Variants in FGFR2 observed in about 807,000 individuals in gnomAD.
FGFR2 encodes the protein fibroblast growth factor receptor 2, also known as BEK fibroblast growth factor receptor.
Under a neutral mutation model 95.9 loss-of-function variants are expected in FGFR2, and 19 were observed. That is an observed-to-expected ratio of 0.20 (90% confidence interval 0.14 to 0.29). The LOEUF is 0.29. Ranked by LOEUF, FGFR2 falls within the 10% of genes least tolerant of loss-of-function variation. FGFR2 has a pLI of 1.00. For synonymous variants in FGFR2, 392 were observed against 393.3 expected (o/e 1.00, Z 0.04); for missense variants, 707 against 1,056.9 (o/e 0.67, Z 4.59).
chr10:121,521,875 A>G (rs908494225), intron 6 of FGFR2, among the ~76,000 whole-genome samples: 1 of 152,234 alleles, frequency 6.6e-6, no homozygotes, highest in Non-Finnish European at 1.5e-5. Flanking sequence ...ACCATTAACA[A>G]TAGCCAAGAA....
chr10:121,538,083 C>A, intron 6 of FGFR2: 1 of 510,118 alleles, frequency 2.0e-6, no homozygotes, highest in Non-Finnish European at 3.5e-6. Context: ...GGAACAGACA[C>A]TGAATTGGTA....
rs377132080 is a variant in FGFR2 at position 121,515,213 on chromosome 10, C to G, written c.1191G>C (p.Leu397=). 5 of 1,614,182 alleles carry G rather than the reference C, an allele frequency of 3.1e-6. No individual in the cohort carries two copies. The highest frequency in any genetic ancestry group is 4.2e-6 in the Non-Finnish European group (5 of 1,180,024). ...LIACMVVTVI[L]CRMKNTTKKP... ...TCTTGGTCGTGTTCTTCATTCGGCA[C>G]AGGATGACTGTTACCACCATACAGG... is the stretch of plus-strand genomic sequence containing the variant. The change falls in exon 9 of 18, where the codon CTG becomes CTC. Residue 397 remains leucine (L), a synonymous_variant. Coordinates refer to ENST00000358487, the MANE Select transcript of FGFR2 (RefSeq NM_000141.5).
intron 2 of FGFR2, among the ~76,000 whole-genome samples, chr10:121,578,507 A>C (rs1860295821): frequency 6.6e-6 from 1 of 152,208 alleles, no homozygotes; most frequent in African/African-American, 2.4e-5. Flanking sequence ...TCCACCCAAA[A>C]GGTGTACGGA....
intron 10 of FGFR2, among the ~76,000 whole-genome samples, chr10:121,501,821 C>A (rs1236769154): frequency 6.6e-6 from 1 of 152,106 alleles, no homozygotes; most frequent in Non-Finnish European, 1.5e-5. Context: ...CTACCCAGAA[C>A]GAAAATTAAA....
intron 5 of FGFR2, among the ~76,000 whole-genome samples, chr10:121,540,802 A>T (rs956424062): frequency 6.6e-6 from 1 of 152,214 alleles, no homozygotes; most frequent in South Asian, 2.1e-4. Flanking sequence ...ATAAGCCCTT[A>T]ATCACGGCTA....
intron 13 of FGFR2, among the ~76,000 whole-genome samples, chr10:121,494,341 G>A (rs1846502536): frequency 6.6e-6 from 1 of 152,026 alleles, no homozygotes; most frequent in Non-Finnish European, 1.5e-5. Context: ...TGTCTCTTCT[G>A]GCCACTTCGC....
At chr10:121,480,397 C>G (rs754576555) in intron 17 of FGFR2, 12 of 354,240 alleles carry the variant, frequency 3.4e-5, no homozygotes, top group Non-Finnish European at 4.8e-5. Flanking sequence ...CTAAATAACC[C>G]GCTGAGTCTA....
intron 6 of FGFR2, among the ~76,000 whole-genome samples, chr10:121,520,536 A>G (rs1850391828): frequency 6.6e-6 from 1 of 152,246 alleles, no homozygotes; most frequent in Non-Finnish European, 1.5e-5. Flanking sequence ...GATAATCTCA[A>G]AAACTCACCT....
intron 10 of FGFR2, among the ~76,000 whole-genome samples, chr10:121,503,165 C>T (rs41295595): frequency 0.013 from 1,912 of 152,330 alleles, 43 homozygotes; most frequent in African/African-American, 0.042. Context: ...AGCTCCAGTA[C>T]GTGGAGTTCA....
At chr10:121,484,455 A>G (rs1845150904) in intron 16 of FGFR2, among the ~76,000 whole-genome samples, 1 of 152,260 alleles carries the variant, frequency 6.6e-6, no homozygotes, top group South Asian at 2.1e-4. Flanking sequence ...GACAAAGAGC[A>G]CAATAAATGC....
chr10:121,509,815 T>G (rs1476861365), intron 9 of FGFR2, among the ~76,000 whole-genome samples: 1 of 151,816 alleles, frequency 6.6e-6, no homozygotes, highest in African/African-American at 2.4e-5. Flanking sequence ...TGAATTAAAT[T>G]TACCATCTAG....
At chr10:121,573,714 C>A (rs954933852) in intron 2 of FGFR2, among the ~76,000 whole-genome samples, 4 of 151,964 alleles carry the variant, frequency 2.6e-5, no homozygotes, top group African/African-American at 7.3e-5. Flanking sequence ...GGAGCACACC[C>A]GGGAGGCATG....
At chr10:121,528,853 C>T (rs1470070911) in intron 6 of FGFR2, among the ~76,000 whole-genome samples, 1 of 152,154 alleles carries the variant, frequency 6.6e-6, no homozygotes, top group Non-Finnish European at 1.5e-5. Flanking sequence ...GGCCCCAGCC[C>T]CAGTCCCTCC....
chr10:121,572,290 C>T (rs990420241), intron 2 of FGFR2, among the ~76,000 whole-genome samples: 1 of 152,044 alleles, frequency 6.6e-6, no homozygotes, highest in East Asian at 1.9e-4. Context: ...TGCATTCCTG[C>T]CTGGGTGACA....
At position 121,597,137 on chromosome 10, in the gene FGFR2, C is replaced by T. The variant is rs536392009; in HGVS notation, c.-151+825G>A. ...AGGGAGCGGGGTGCGAGGAGAGCGA[C>T]GGAGGCTGGTGGTCCCCGAGCGGGC... On this transcript the variant is annotated intron_variant, in intron 1 of 17. Coordinates refer to ENST00000358487, the MANE Select transcript of FGFR2 (RefSeq NM_000141.5). Among the ~76,000 whole-genome samples the T allele has an allele frequency of 2.3e-3, 343 of 152,318 alleles. 1 individual carries two copies. Among genetic ancestry groups the T allele is most frequent in the African/African-American group, 7.8e-3 (326 of 41,582 alleles).
At chr10:121,510,654 C>T (rs552270826) in intron 9 of FGFR2, among the ~76,000 whole-genome samples, 1 of 152,226 alleles carries the variant, frequency 6.6e-6, no homozygotes, top group African/African-American at 2.4e-5. Flanking sequence ...CTGAGTCACA[C>T]ATTCCTCCCC....
At chr10:121,549,728 T>A (rs1448273417) in intron 5 of FGFR2, among the ~76,000 whole-genome samples, 38 of 152,116 alleles carry the variant, frequency 2.5e-4, no homozygotes. Context: ...CAGCCAACAG[T>A]CAGTGAGGAA....
chr10:121,577,993 T>G (rs1159408295), intron 2 of FGFR2, among the ~76,000 whole-genome samples: 1 of 151,746 alleles, frequency 6.6e-6, no homozygotes, highest in East Asian at 1.9e-4. Context: ...CCACACCCCT[T>G]CACCTATTAG....
intron 2 of FGFR2, among the ~76,000 whole-genome samples, chr10:121,573,374 A>G (rs1350983695): frequency 1.3e-5 from 2 of 152,200 alleles, no homozygotes; most frequent in African/African-American, 4.8e-5. Flanking sequence ...TCCAACGTCT[A>G]GATCATCCTA....
Sources: allele counts gnomAD v4.1 joint callset (sites outside exome capture counted in the v4.1 genomes callset), GRCh38; gene constraint gnomAD v4.1.1; transcripts MANE v1.5; gene names NCBI Gene and HGNC (gene_info 2026-07-23, HGNC 2026-07-21).